Variants in ACVR1 observed in about 807,000 individuals in gnomAD.
ACVR1 encodes the protein activin receptor type-1.
ACVR1 carries 38 observed loss-of-function variants against 57.1 expected under a neutral mutation model. That is an observed-to-expected ratio of 0.67 (90% confidence interval 0.51 to 0.87). ACVR1 has a LOEUF of 0.87. ACVR1 is among the 40% of genes least tolerant of loss of function. The probability of loss-of-function intolerance (pLI) is 0.00; values close to 1 mark genes in which losing one functional copy is unlikely to be tolerated. For synonymous variants in ACVR1, 212 were observed against 228.1 expected (o/e 0.93, Z 0.63); for missense variants, 463 against 638.2 (o/e 0.73, Z 2.96).
chr2:157,751,869 T>C (rs1163678147), intron 9 of ACVR1, among the ~76,000 whole-genome samples: 4 of 152,086 alleles, frequency 2.6e-5, no homozygotes, highest in Non-Finnish European at 4.4e-5. Context: ...TCTCTACTCA[T>C]CCTGGTAGCT....
intron 1 of ACVR1, among the ~76,000 whole-genome samples, chr2:157,874,496 T>C (rs1345880873): frequency 6.6e-6 from 1 of 152,196 alleles, no homozygotes. Context: ...CCTGGGCCCC[T>C]GGCCAGCAAC....
chr2:157,875,642 G>C (rs1214946681), intron 1 of ACVR1, 154 bp downstream of exon 1: 1 of 151,882 alleles, frequency 6.6e-6, no homozygotes, highest in African/African-American at 2.4e-5. Context: ...CCACGGAGAG[G>C]GGATCAAGCT....
chr2:157,757,021 GATATATATAT>G (rs765313619), intron 9 of ACVR1, among the ~76,000 whole-genome samples: 2 of 106,410 alleles, frequency 1.9e-5, no homozygotes, highest in South Asian at 5.4e-4. Context: ...ATATATATTT[GATATATATAT>G]ATATATATAT....
At chr2:157,811,793 A>G (rs925699492) in intron 2 of ACVR1, among the ~76,000 whole-genome samples, 3 of 150,382 alleles carry the variant, frequency 2.0e-5, no homozygotes, top group African/African-American at 7.6e-5. Flanking sequence ...CCCTCCAACA[A>G]CAACAACAAC....
At chr2:157,785,745 C>CT (rs1162879991) in intron 3 of ACVR1, among the ~76,000 whole-genome samples, 1 of 152,148 alleles carries the variant, frequency 6.6e-6, no homozygotes, top group Non-Finnish European at 1.5e-5. Flanking sequence ...CAAATAGAGG[C>CT]ATTCAAAGAA....
intron 9 of ACVR1, among the ~76,000 whole-genome samples, chr2:157,742,028 G>A (rs959307619): frequency 6.6e-5 from 10 of 152,174 alleles, no homozygotes; most frequent in African/African-American, 1.9e-4. Context: ...GAGAGGTGGA[G>A]AGAAGTTCTC....
At chr2:157,845,481 G>A (rs1164126703) in intron 1 of ACVR1, among the ~76,000 whole-genome samples, 2 of 152,016 alleles carry the variant, frequency 1.3e-5, no homozygotes, top group African/African-American at 4.8e-5. Flanking sequence ...AAGCTGAAAG[G>A]AGCTAGGAAA....
chr2:157,854,545 AC>A (rs757675199), intron 1 of ACVR1, among the ~76,000 whole-genome samples: 12 of 152,006 alleles, frequency 7.9e-5, no homozygotes, highest in Non-Finnish European at 1.6e-4. Context: ...ACACGGTGAA[AC>A]CCCATCTCTA....
chr2:157,842,026 CAAA>C (rs34227882), intron 1 of ACVR1, among the ~76,000 whole-genome samples: 1 of 99,584 alleles, frequency 1.0e-5, no homozygotes, highest in Non-Finnish European at 1.9e-5. Context: ...GACTCCATCT[CAAA>C]AAAAAAAAAA....
At chr2:157,796,198 G>A (rs1377298884) in intron 3 of ACVR1, among the ~76,000 whole-genome samples, 9 of 149,958 alleles carry the variant, frequency 6.0e-5, no homozygotes, top group Non-Finnish European at 1.0e-4. Context: ...CTCCAGCCCT[G>A]GTGACAGAGT....
At chr2:157,808,381 C>T (rs966200556) in intron 2 of ACVR1, among the ~76,000 whole-genome samples, 3 of 152,202 alleles carry the variant, frequency 2.0e-5, no homozygotes, top group Admixed American at 6.5e-5. Context: ...TTTTATATAG[C>T]CTAGCAAGGA....
rs1207012922 is a variant in ACVR1 at position 157,830,616 on chromosome 2, T to C, written c.-182-12057A>G. On this transcript the variant is annotated intron_variant, in intron 1 of 10. Transcript: ENST00000434821. The stretch of plus-strand genomic sequence containing the variant: ...CATAATCTTTTTTCTAAATTTTATA[T>C]ACACACAGAGAGAGAAAACAAAACT... Among the ~76,000 whole-genome samples the C allele has an allele frequency of 2.6e-5, 4 of 151,222 alleles. No homozygotes were observed. The East Asian group carries it at 7.8e-4, about 30-fold the overall frequency.
intron 2 of ACVR1, among the ~76,000 whole-genome samples, chr2:157,808,055 A>G (rs1456769839): frequency 2.0e-5 from 3 of 152,006 alleles, no homozygotes; most frequent in African/African-American, 7.2e-5. Flanking sequence ...CTCCAAGCCC[A>G]TTCCTGTCTC....
At position 157,855,527 on chromosome 2, in the gene ACVR1, ACT is replaced by A. The variant is rs534146171; in HGVS notation, c.-183+20267_-183+20268del. Reference sequence around the variant, plus strand: ...AACTGATGAGTCCTCACAAAGGAAAACTCTGTCCCATTTGAATTACAGATGGC... The same window carrying A: ...AACTGATGAGTCCTCACAAAGGAAAACTGTCCCATTTGAATTACAGATGGC... On this transcript the variant is annotated intron_variant, in intron 1 of 10. Transcript: ENST00000434821. 1.1e-4 allele frequency among the ~76,000 whole-genome samples: 16 copies of A among 151,718 alleles called. 2 individuals carry two copies. The South Asian group carries it at 3.3e-3, about 32-fold the overall frequency.
intron 9 of ACVR1, among the ~76,000 whole-genome samples, chr2:157,751,479 C>G (rs984825389): frequency 6.6e-6 from 1 of 152,188 alleles, no homozygotes; most frequent in African/African-American, 2.4e-5. Flanking sequence ...GGCAGGAATC[C>G]GGTGTCCAGA....
chr2:157,827,832 G>C (rs1036585674), intron 1 of ACVR1, among the ~76,000 whole-genome samples: 2 of 152,110 alleles, frequency 1.3e-5, no homozygotes, highest in African/African-American at 4.8e-5. Flanking sequence ...CCACTGCTGT[G>C]TGACACTCAG....
At chr2:157,756,973 T>TTATATATA (rs529691149) in intron 9 of ACVR1, among the ~76,000 whole-genome samples, 2 of 143,158 alleles carry the variant, frequency 1.4e-5, no homozygotes, top group African/African-American at 5.2e-5. Flanking sequence ...TTATATATAT[T>TTATATATA]TATATATATA....
At chr2:157,799,205 T>C (rs974019857) in intron 3 of ACVR1, among the ~76,000 whole-genome samples, 2 of 152,158 alleles carry the variant, frequency 1.3e-5, no homozygotes, top group East Asian at 1.9e-4. Flanking sequence ...CCTATATTTA[T>C]TTTAAGTAGA....
intron 2 of ACVR1, among the ~76,000 whole-genome samples, chr2:157,805,424 C>T (rs1687483714): frequency 6.6e-6 from 1 of 152,208 alleles, no homozygotes; most frequent in African/African-American, 2.4e-5. Context: ...TTACATCATC[C>T]ACGTGAAGAC....
Sources: gnomAD v4.1 joint callset for allele counts (sites outside exome capture counted in the v4.1 genomes callset) on GRCh38, gnomAD v4.1.1 for gene constraint, MANE v1.5 for transcripts, NCBI Gene and HGNC (gene_info 2026-07-23, HGNC 2026-07-21) for gene names.